WDR27: variants seen among roughly 807,000 people sequenced by gnomAD.
The protein encoded by WDR27 is WD repeat domain 27.
A neutral mutation model predicts 114.4 loss-of-function variants in WDR27; 100 were observed. The ratio of observed to expected loss-of-function variants is 0.87; its 90% CI spans 0.74 to 1.03. The LOEUF is 1.03. WDR27 is among the 50% of genes least tolerant of loss of function. The pLI, the probability that WDR27 is intolerant of heterozygous loss-of-function variation, is 0.00. For synonymous variants in WDR27, 449 were observed against 423.1 expected (o/e 1.06, Z -0.75); for missense variants, 1,129 against 1,092.9 (o/e 1.03, Z -0.47).
At chr6:169,547,511 C>T (rs544728972) in intron 25 of WDR27, among the ~76,000 whole-genome samples, 78 of 152,300 alleles carry the variant, frequency 5.1e-4, no homozygotes, top group African/African-American at 1.7e-3. Flanking sequence ...GTATGCAAGG[C>T]TGATTCAACA....
At chr6:169,549,467 T>A (rs1471456385) in intron 25 of WDR27, among the ~76,000 whole-genome samples, 1 of 152,170 alleles carries the variant, frequency 6.6e-6, no homozygotes, top group African/African-American at 2.4e-5. Context: ...AATTTGGCAG[T>A]TTCCCACAGA....
chr6:169,555,710 T>G (rs1295139144), intron 25 of WDR27, among the ~76,000 whole-genome samples: 5 of 152,182 alleles, frequency 3.3e-5, no homozygotes, highest in African/African-American at 7.2e-5. Flanking sequence ...GACAATAATT[T>G]TCTTCACTAG....
intron 14 of WDR27, among the ~76,000 whole-genome samples, chr6:169,651,184 G>C (rs868854422): frequency 3.2e-5 from 3 of 92,524 alleles, no homozygotes; most frequent in Non-Finnish European, 6.0e-5. Context: ...AGTGCGGGGC[G>C]GGGGGGGGGA....
chr6:169,656,827 C>T (rs1027363530), intron 13 of WDR27, among the ~76,000 whole-genome samples: 12 of 152,208 alleles, frequency 7.9e-5, no homozygotes, highest in African/African-American at 2.9e-4. Flanking sequence ...GATGCCTTTT[C>T]AATGGTGAAT....
intron 25 of WDR27, among the ~76,000 whole-genome samples, chr6:169,569,270 T>C (rs1800987376): frequency 6.6e-6 from 1 of 152,218 alleles, no homozygotes; most frequent in Non-Finnish European, 1.5e-5. Flanking sequence ...AAAACCCTAG[T>C]CTCTAAGCCT....
intron 16 of WDR27, among the ~76,000 whole-genome samples, chr6:169,644,798 A>G (rs1037550877): frequency 2.8e-5 from 2 of 70,730 alleles, no homozygotes; most frequent in Non-Finnish European, 5.1e-5. Context: ...TCACGAGGTC[A>G]GGAGATCGAG....
intron 21 of WDR27, among the ~76,000 whole-genome samples, chr6:169,618,285 T>G (rs1268241562): frequency 6.6e-6 from 1 of 152,200 alleles, no homozygotes; most frequent in Non-Finnish European, 1.5e-5. Flanking sequence ...CTGTCTAGTA[T>G]TATGTATTTA....
intron 25 of WDR27, among the ~76,000 whole-genome samples, chr6:169,568,008 G>A (rs1800778902): frequency 6.6e-6 from 1 of 152,210 alleles, no homozygotes; most frequent in African/African-American, 2.4e-5. Flanking sequence ...GTTCCAGGAT[G>A]AGTAAACAGA....
chr6:169,662,034 G>A (rs753763163), intron 9 of WDR27, among the ~76,000 whole-genome samples: 7 of 152,174 alleles, frequency 4.6e-5, no homozygotes, highest in Non-Finnish European at 7.4e-5. Flanking sequence ...TAAAGAAAAA[G>A]TTGTATCACA....
intron 25 of WDR27, among the ~76,000 whole-genome samples, chr6:169,544,469 C>T (rs1797211956): frequency 6.8e-6 from 1 of 146,128 alleles, no homozygotes; most frequent in African/African-American, 2.5e-5. Flanking sequence ...GATGGAGTCT[C>T]GCTCTGTCAC....
At chr6:169,538,768 A>G (rs1348364492) in intron 25 of WDR27, among the ~76,000 whole-genome samples, 2 of 151,738 alleles carry the variant, frequency 1.3e-5, no homozygotes, top group Non-Finnish European at 2.9e-5. Context: ...GTGCATGTAT[A>G]TATACAAACA....
chr6:169,658,994 A>G lies in WDR27; in HGVS notation c.1319+92T>C, dbSNP rs1825158219. 23 of 1,453,200 alleles carry G rather than the reference A, an allele frequency of 1.6e-5. No individual in the cohort carries two copies. The South Asian group carries it at 3.6e-4, about 23-fold the overall frequency. 90.0% of individuals were successfully genotyped at this position (1,453,200 alleles called of 1,614,324 possible). A position where few individuals can be genotyped will look rare whatever the true frequency, so the allele number is the denominator to read the frequency against. ...GAGCCACCGCGCCCGGCCAGAGCTC[A>G]GAGTTTTCTAATCTTTATTTCTGAA... is the stretch of plus-strand genomic sequence containing the variant. On this transcript the variant is annotated intron_variant, in intron 12 of 25. Transcript: ENST00000448612.
At chr6:169,664,046 C>T (rs904194429) in intron 8 of WDR27, 120 bp downstream of exon 8, 2 of 980,158 alleles carry the variant, frequency 2.0e-6, no homozygotes, top group African/African-American at 1.7e-5. Context: ...AGGTTGCAGC[C>T]CTTGGCTTCT....
chr6:169,643,785 T>G lies in WDR27; in HGVS notation c.1659A>C (p.Gly553=), dbSNP rs1471107391. 8.7e-6 allele frequency: 14 copies of G among 1,611,054 alleles called. No homozygotes were observed. Among genetic ancestry groups the G allele is most frequent in the Non-Finnish European group, 2.5e-6 (3 of 1,178,568 alleles). The change falls in exon 17 of 26, where the codon GGA becomes GGC. Residue 553 remains glycine (G), a splice_region_variant and synonymous_variant. Coordinates refer to ENST00000448612, the MANE Select transcript of WDR27 (RefSeq NM_182552.5). ...ACCCACAGGCCAGCCACTGCCCATC[T>G]CCTGTTAAAAGAATTTTAAAAAAAG... ...CTRVCCIQYS[G]DGQWLACGLA... is the part of the protein sequence containing the mutation.
the WDR27 span, among the ~76,000 whole-genome samples, chr6:169,444,671 T>TC: frequency 7.1e-6 from 1 of 140,182 alleles, no homozygotes; most frequent in Non-Finnish European, 1.5e-5. Flanking sequence ...GTTTTTTTGT[T>TC]TTTTTTTTTT....
At chr6:169,500,975 C>T (rs1164551726) in intron 25 of WDR27, among the ~76,000 whole-genome samples, 1 of 152,190 alleles carries the variant, frequency 6.6e-6, no homozygotes, top group Admixed American at 6.5e-5. Context: ...TCCCCCGTCA[C>T]AGGTCAGAGG....
chr6:169,538,409 C>A (rs968632862), intron 25 of WDR27, among the ~76,000 whole-genome samples: 3 of 152,090 alleles, frequency 2.0e-5, no homozygotes. Context: ...TCCAACCGTG[C>A]GACATAGTTC....
chr6:169,549,196 C>A (rs1241000033), intron 25 of WDR27, among the ~76,000 whole-genome samples: 6 of 152,052 alleles, frequency 3.9e-5, no homozygotes, highest in Non-Finnish European at 8.8e-5. Context: ...GAAAATAACC[C>A]GATAAAAAAT....
At chr6:169,518,226 C>T (rs1793923251) in intron 25 of WDR27, among the ~76,000 whole-genome samples, 1 of 152,188 alleles carries the variant, frequency 6.6e-6, no homozygotes, top group Non-Finnish European at 1.5e-5. Flanking sequence ...CACCCCATTC[C>T]CACAGCTCCA....
Sources: gnomAD v4.1 joint callset for allele counts (sites outside exome capture counted in the v4.1 genomes callset) on GRCh38, gnomAD v4.1.1 for gene constraint, MANE v1.5 for transcripts, NCBI Gene and HGNC (gene_info 2026-07-23, HGNC 2026-07-21) for gene names.